Variants in MTIF2 observed in about 807,000 individuals in gnomAD.
MTIF2 encodes the protein mitochondrial translational initiation factor 2.
In MTIF2, 71 loss-of-function variants were observed where a neutral mutation model predicts 83.5. The observed-to-expected ratio is 0.85, with a 90% CI of 0.70 to 1.04. The LOEUF (loss-of-function observed/expected upper bound fraction) is 1.04, where lower values mean the gene tolerates loss of function less well. MTIF2 is among the 50% of genes least tolerant of loss of function. The pLI, the probability that MTIF2 is intolerant of heterozygous loss-of-function variation, is 0.00. For synonymous variants in MTIF2, 319 were observed against 287.1 expected, an observed-to-expected ratio of 1.11 and a Z score of -1.12; for missense variants, 957 against 846.5, an observed-to-expected ratio of 1.13 and a Z score of -1.62.
intron 9 of MTIF2, among the ~76,000 whole-genome samples, chr2:55,248,577 G>A (rs1173390090): frequency 6.6e-6 from 1 of 152,204 alleles, no homozygotes; most frequent in Non-Finnish European, 1.5e-5. Flanking sequence ...CAAGCACTGA[G>A]TTTCCTTGGT....
intron 5 of MTIF2, among the ~76,000 whole-genome samples, chr2:55,261,965 A>G (rs1234150571): frequency 6.6e-6 from 1 of 151,490 alleles, no homozygotes; most frequent in East Asian, 1.9e-4. Flanking sequence ...AAGAAAGAAA[A>G]AAGAAAATTA....
chr2:55,243,748 T>C (rs1024576140), intron 11 of MTIF2, 80 bp from the exon 12 acceptor site: 2 of 1,425,590 alleles, frequency 1.4e-6, no homozygotes, highest in African/African-American at 2.9e-5. Flanking sequence ...TGTCCTGCAT[T>C]AGGAAATTAG....
rs900157437 is a variant in MTIF2, at chr2:55,258,719, G to A, written c.331+3597C>T. Among the ~76,000 whole-genome samples, 3 of 151,590 alleles carry A rather than the reference G, an allele frequency of 2.0e-5. No individual in the cohort carries two copies. In the South Asian group the frequency reaches 6.3e-4, roughly 32 times the overall value. ...CCCAGCTACTCGGGAGGCTGAGGCA[G>A]GAGAATTGCTTGAACCCGGGAGACA... On this transcript the variant is annotated intron_variant, in intron 5 of 15. Coordinates refer to ENST00000263629, the MANE Select transcript of MTIF2 (RefSeq NM_002453.3).
chr2:55,237,329 T>G lies in MTIF2; in HGVS notation c.1970A>C (p.Lys657Thr). ...TCCATTACGGGTTAGTTTAAATTTT[T>G]TTTGTTTTTCTAACTGTCCCTTTTG... The part of the protein sequence containing the change: ...RVQKGQLEKQ[K>T]KFKLTRNGHV... The change falls in exon 15 of 16, where the codon AAA (lysine) becomes ACA (threonine). Residue 657 changes from lysine to threonine, a missense_variant. By Grantham distance (78) the Lys-to-Thr change is moderately conservative. This residue lies in a region of MTIF2 where 221 missense variants were observed against 180.6 expected (regional missense o/e 1.22). Coordinates refer to ENST00000263629, the MANE Select transcript of MTIF2 (RefSeq NM_002453.3). 1.9e-6 allele frequency: 3 copies of G among 1,612,988 alleles called. No individual in the cohort carries two copies. The highest frequency in any genetic ancestry group is 2.5e-6 in the Non-Finnish European group (3 of 1,179,922).
chr2:55,263,646 T>G lies in MTIF2; in HGVS notation c.213A>C (p.Thr71=), dbSNP rs749307066. The change falls in exon 4 of 16, where the codon ACA becomes ACC. Residue 71 remains threonine, a synonymous_variant. Coordinates refer to ENST00000263629, the MANE Select transcript of MTIF2 (RefSeq NM_002453.3). ...AAAAGAAATCTGTAACTACCTTTTT[T>G]GTTACTAGAAGCCTATACTGAGATA... is the stretch of plus-strand genomic sequence containing the variant. The part of the protein sequence containing the change: ...AALSQYRLLV[T]KKEEGPWKSQ... 23 of 1,592,538 alleles carry G rather than the reference T, an allele frequency of 1.4e-5. No individual in the cohort carries two copies. Among genetic ancestry groups the G allele is most frequent in the Non-Finnish European group, 1.9e-5 (22 of 1,173,742 alleles).
At chr2:55,246,049 C>G (rs1258730041) in intron 10 of MTIF2, among the ~76,000 whole-genome samples, 2 of 151,986 alleles carry the variant, frequency 1.3e-5, no homozygotes, top group East Asian at 3.8e-4. Context: ...AAGACTTTAC[C>G]AATTCAGTCG....
At position 55,262,411 on chromosome 2, in the gene MTIF2, T is replaced by G; in HGVS notation, c.236A>C (p.Lys79Thr). 1 of 1,611,606 alleles carries G rather than the reference T, an allele frequency of 6.2e-7. No individual in the cohort carries two copies. The highest frequency in any genetic ancestry group is 8.5e-7 in the Non-Finnish European group (1 of 1,178,144). The change falls in exon 5 of 16, where the codon AAA becomes ACA. Residue 79 changes from lysine (K) to threonine (T), a missense_variant. Lys to Thr is a moderately conservative substitution (Grantham distance 78). Around this residue, in one of 3 missense-constraint regions of MTIF2, gnomAD observed 733 missense variants for 648.7 expected, o/e 1.13. Transcript: ENST00000263629. Reference sequence around the variant, plus strand: ...AGATTTTGTTGAAGATAACTGAGATTTCCATGGTCCTTCTTCCTATTAAAA... The same window carrying G: ...AGATTTTGTTGAAGATAACTGAGATGTCCATGGTCCTTCTTCCTATTAAAA... Reference protein sequence around the residue: ...LVTKKEEGPWKSQLSSTKSKK... With the variant: ...LVTKKEEGPWTSQLSSTKSKK...
In MTIF2 at chr2:55,254,598, A is replaced by C. The variant is rs1677370127; in HGVS notation, c.503+56T>G. ...AGCAAATCTTTCCATTAAAAAGTGT[A>C]AATATAACTATGTAGTCTCCCCCAA... is the stretch of plus-strand genomic sequence containing the variant. On this transcript the variant is annotated intron_variant, in intron 6 of 15. Coordinates refer to ENST00000263629, the MANE Select transcript of MTIF2 (RefSeq NM_002453.3). 3.7e-6 allele frequency: 5 copies of C among 1,360,826 alleles called. No homozygotes were observed. In the Admixed American group the frequency reaches 1.3e-4, roughly 36 times the overall value. 84.3% of individuals were successfully genotyped at this position (1,360,826 alleles called of 1,614,324 possible).
chr2:55,249,619 C>G, intron 8 of MTIF2, 85 bp from the exon 9 acceptor site: 2 of 1,502,304 alleles, frequency 1.3e-6, no homozygotes, highest in Non-Finnish European at 1.8e-6. Context: ...ACTTTCTGTT[C>G]TGGTTTTCTC....
intron 5 of MTIF2, among the ~76,000 whole-genome samples, chr2:55,257,927 C>A (rs1677669926): frequency 6.6e-6 from 1 of 152,136 alleles, no homozygotes; most frequent in Admixed American, 6.5e-5. Flanking sequence ...GAAGCAGGAA[C>A]TAGAGGCTCA....
At chr2:55,246,246 A>C in intron 10 of MTIF2, 91 bp downstream of exon 10, 1 of 1,293,050 alleles carries the variant, frequency 7.7e-7, no homozygotes, top group Non-Finnish European at 1.0e-6. Flanking sequence ...TGAACTAACA[A>C]TAACATGTAA....
chr2:55,244,874 C>A (rs1016987932), intron 10 of MTIF2, among the ~76,000 whole-genome samples: 3 of 151,806 alleles, frequency 2.0e-5, no homozygotes, highest in Non-Finnish European at 4.4e-5. Flanking sequence ...TGGTGAAACC[C>A]CATCTATACT....
chr2:55,250,814 A>G (rs925727468), intron 8 of MTIF2, among the ~76,000 whole-genome samples: 1 of 152,178 alleles, frequency 6.6e-6, no homozygotes, highest in African/African-American at 2.4e-5. Context: ...ACAACGTACT[A>G]TTACGAAAAA....
chr2:55,237,389 C>G lies in MTIF2; in HGVS notation c.1910G>C (p.Gly637Ala), dbSNP rs1407016860. The change falls in exon 15 of 16, where the codon GGG becomes GCG. Residue 637 changes from glycine (G) to alanine (A), a missense_variant. By Grantham distance (60) the Gly-to-Ala change is moderately conservative. Around this residue, in one of 3 missense-constraint regions of MTIF2, gnomAD observed 221 missense variants for 180.6 expected, o/e 1.22. Coordinates refer to ENST00000263629, the MANE Select transcript of MTIF2 (RefSeq NM_002453.3). ...GCCAGCCACAGGAACTTTTTTCTTC[C>G]CTTCTGTTACAGAGAAGGTAGCTAG... ...SILATFSVTE[G>A]KKKVPVAGCR... The G allele has an allele frequency of 6.2e-7, 1 of 1,612,632 alleles. No homozygotes were observed. Among genetic ancestry groups the G allele is most frequent in the Non-Finnish European group, 8.5e-7 (1 of 1,179,868 alleles).
intron 9 of MTIF2, among the ~76,000 whole-genome samples, 197 bp downstream of exon 9, chr2:55,249,198 T>C (rs1459693924): frequency 1.3e-5 from 2 of 152,194 alleles, no homozygotes; most frequent in Admixed American, 1.3e-4. Flanking sequence ...CCACACTGAT[T>C]AGCTGGTGAC....
At chr2:55,238,493 G>A (rs1573846356) in intron 14 of MTIF2, among the ~76,000 whole-genome samples, 1 of 148,036 alleles carries the variant, frequency 6.8e-6, no homozygotes, top group Non-Finnish European at 1.5e-5. Context: ...CTGGGTTCAA[G>A]CGATTCTCCT....
chr2:55,236,879 C>T, intron 15 of MTIF2, 59 bp from the exon 16 acceptor site: 1 of 1,294,254 alleles, frequency 7.7e-7, no homozygotes, highest in Middle Eastern at 2.0e-4. Context: ...CTACTAAATA[C>T]TACATTATGT....
chr2:55,259,040 G>C (rs1677760748), intron 5 of MTIF2, among the ~76,000 whole-genome samples: 1 of 152,018 alleles, frequency 6.6e-6, no homozygotes, highest in East Asian at 1.9e-4. Flanking sequence ...TAATACTCTA[G>C]TTTTCCAATA....
intron 15 of MTIF2, 124 bp from the exon 16 acceptor site, chr2:55,236,944 G>A (rs1019428933): frequency 3.1e-5 from 25 of 811,360 alleles, no homozygotes; most frequent in Non-Finnish European, 4.3e-5. Flanking sequence ...GTCTTGTCAA[G>A]TTAAATGATG....
Sources: gnomAD v4.1 joint callset for allele counts (sites outside exome capture counted in the v4.1 genomes callset) on GRCh38, gnomAD v4.1.1 for gene constraint, gnomAD v4.1.1 regional missense constraint, MANE v1.5 for transcripts, NCBI Gene and HGNC (gene_info 2026-07-23, HGNC 2026-07-21) for gene names.